Variants in PDE4D observed in about 807,000 individuals in gnomAD.
PDE4D encodes the protein 3',5'-cyclic-AMP phosphodiesterase 4D.
In PDE4D, 24 loss-of-function variants were observed where a neutral mutation model predicts 87.4. That is an observed-to-expected ratio of 0.27 (90% confidence interval 0.20 to 0.39). The LOEUF (loss-of-function observed/expected upper bound fraction) is 0.39. Among genes scored for constraint, PDE4D ranks in the 10% least tolerant of loss-of-function variants. The pLI, the probability that PDE4D is intolerant of heterozygous loss-of-function variation, is 1.00. For synonymous variants in PDE4D, 384 were observed against 383.2 expected (o/e 1.00, Z -0.02); for missense variants, 714 against 1,041.0 (o/e 0.69, Z 4.32).
At chr5:59,183,850 G>A (rs142036607) in intron 4 of PDE4D, among the ~76,000 whole-genome samples, 1 of 152,260 alleles carries the variant, frequency 6.6e-6, no homozygotes, top group East Asian at 1.9e-4. Context: ...TCTGCATTAT[G>A]CTAGGCACAG....
intron 1 of PDE4D, among the ~76,000 whole-genome samples, chr5:60,473,183 A>AAG (rs1426939021): frequency 5.8e-5 from 8 of 137,742 alleles, no homozygotes; most frequent in Non-Finnish European, 1.3e-4. Context: ...AAGGAAGGAA[A>AAG]AAGAAAGAAA....
chr5:60,487,925 AT>A (rs1256650476), intron 1 of PDE4D: 1 of 148,988 alleles, frequency 6.7e-6, no homozygotes, highest in Non-Finnish European at 1.5e-5. Flanking sequence ...TAAAAAAAAA[AT>A]ATCAGGATTA....
intron 2 of PDE4D, among the ~76,000 whole-genome samples, chr5:59,214,852 C>T (rs1750876374): frequency 6.6e-6 from 1 of 152,138 alleles, no homozygotes; most frequent in African/African-American, 2.4e-5. Context: ...ACAACTGATG[C>T]TCTGTTAGAA....
intron 2 of PDE4D, among the ~76,000 whole-genome samples, chr5:60,095,625 C>T (rs1254862575): frequency 2.0e-5 from 3 of 152,166 alleles, no homozygotes; most frequent in Non-Finnish European, 4.4e-5. Context: ...GGAATCACCA[C>T]ACTGTCTTCC....
In PDE4D at chr5:59,431,520, C is replaced by G. The variant is rs866748322; in HGVS notation, c.456-215552G>C. On this transcript the variant is annotated intron_variant, in intron 1 of 14. Transcript: ENST00000340635. Reference sequence around the variant, plus strand: ...AAACATACAGTGTGCTGAAAAAGGGCTACATTTTATTCTTCAGTAGCCAAA... The same window carrying G: ...AAACATACAGTGTGCTGAAAAAGGGGTACATTTTATTCTTCAGTAGCCAAA... Among the ~76,000 whole-genome samples, 24 of 152,186 alleles carry G rather than the reference C, an allele frequency of 1.6e-4. No individual in the cohort carries two copies. In the South Asian group the frequency reaches 4.8e-3, roughly 30 times the overall value.
At chr5:59,931,868 A>AT (rs1755985731) in intron 3 of PDE4D, among the ~76,000 whole-genome samples, 1 of 151,936 alleles carries the variant, frequency 6.6e-6, no homozygotes, top group Non-Finnish European at 1.5e-5. Flanking sequence ...TACCCGGCTA[A>AT]TTTTTTGTGA....
intron 3 of PDE4D, among the ~76,000 whole-genome samples, chr5:59,186,017 T>C (rs771440930): frequency 1.3e-5 from 2 of 152,142 alleles, no homozygotes; most frequent in Non-Finnish European, 2.9e-5. Context: ...GCCAACGGAC[T>C]GGAAGTGAGC....
Position 59,477,041 on chromosome 5 carries a change from C to CA in PDE4D, c.456-261074dup, listed in dbSNP as rs532505220. Among the ~76,000 whole-genome samples the CA allele has an allele frequency of 1.3e-4, 19 of 151,744 alleles. No homozygotes were observed. The East Asian group carries it at 3.5e-3, about 28-fold the overall frequency. On this transcript the variant is annotated intron_variant, in intron 1 of 14. Coordinates refer to ENST00000340635, the MANE Select transcript of PDE4D (RefSeq NM_001104631.2). Reference sequence around the variant, plus strand: ...GTCTACAAATAAAAGCTAGGGAACACAAAAATGACACAATTATCAAATTCA... The same window carrying CA: ...GTCTACAAATAAAAGCTAGGGAACACAAAAAATGACACAATTATCAAATTCA...
chr5:60,081,558 T>C (rs1773956333), intron 2 of PDE4D, among the ~76,000 whole-genome samples: 1 of 152,196 alleles, frequency 6.6e-6, no homozygotes, highest in African/African-American at 2.4e-5. Flanking sequence ...TAATACTGCT[T>C]TAACTGTGTC....
At chr5:60,380,503 C>T (rs933048979) in intron 1 of PDE4D, among the ~76,000 whole-genome samples, 2 of 152,100 alleles carry the variant, frequency 1.3e-5, no homozygotes, top group Admixed American at 6.5e-5. Context: ...TTTCTTTTTG[C>T]CCCAATGTCC....
At chr5:59,199,556 T>C (rs1561685322) in intron 2 of PDE4D, among the ~76,000 whole-genome samples, 1 of 152,142 alleles carries the variant, frequency 6.6e-6, no homozygotes, top group East Asian at 1.9e-4. Flanking sequence ...ATTTTGATAA[T>C]TTTGAAATCT....
At chr5:59,424,030 G>T (rs1481559328) in intron 1 of PDE4D, among the ~76,000 whole-genome samples, 2 of 152,046 alleles carry the variant, frequency 1.3e-5, no homozygotes, top group Non-Finnish European at 2.9e-5. Context: ...GTGAGGTGAA[G>T]GAGGAAGAGT....
At chr5:59,319,151 T>C (rs1398755599) in intron 1 of PDE4D, among the ~76,000 whole-genome samples, 1 of 127,080 alleles carries the variant, frequency 7.9e-6, no homozygotes, top group African/African-American at 3.2e-5. Context: ...TATGAGAGAG[T>C]ACATATATAT....
At chr5:60,141,227 G>A (rs763918077) in intron 2 of PDE4D, among the ~76,000 whole-genome samples, 12 of 152,128 alleles carry the variant, frequency 7.9e-5, no homozygotes, top group Non-Finnish European at 1.3e-4. Context: ...GTGGGTGACA[G>A]AAAGCAATGT....
At chr5:59,972,555 G>T (rs1207832498) in intron 3 of PDE4D, among the ~76,000 whole-genome samples, 2 of 152,222 alleles carry the variant, frequency 1.3e-5, no homozygotes, top group Non-Finnish European at 2.9e-5. Flanking sequence ...AAACAATTTG[G>T]AGTCAAAGTT....
intron 1 of PDE4D, among the ~76,000 whole-genome samples, chr5:59,490,493 T>C (rs1024085372): frequency 1.1e-4 from 16 of 152,154 alleles, no homozygotes; most frequent in African/African-American, 3.9e-4. Context: ...ATAACAGCTA[T>C]AGAAAAGAAA....
intron 1 of PDE4D, among the ~76,000 whole-genome samples, chr5:59,392,359 T>C (rs1437314618): frequency 6.6e-6 from 1 of 152,032 alleles, no homozygotes; most frequent in Non-Finnish European, 1.5e-5. Context: ...CTTCCTTCTC[T>C]GAAATATTGG....
At chr5:60,049,900 TG>T (rs1195769137) in intron 2 of PDE4D, among the ~76,000 whole-genome samples, 1 of 152,210 alleles carries the variant, frequency 6.6e-6, no homozygotes, top group Non-Finnish European at 1.5e-5. Flanking sequence ...CCACCCAGTT[TG>T]AGCTTCCTGG....
chr5:59,362,875 TAA>T (rs1411363644), intron 1 of PDE4D, among the ~76,000 whole-genome samples: 1 of 152,212 alleles, frequency 6.6e-6, no homozygotes, highest in Non-Finnish European at 1.5e-5. Flanking sequence ...TCTCATGTGC[TAA>T]ATTTTGGTGC....
Sources: allele counts gnomAD v4.1 joint callset (sites outside exome capture counted in the v4.1 genomes callset), GRCh38; gene constraint gnomAD v4.1.1; transcripts MANE v1.5; gene names NCBI Gene and HGNC (gene_info 2026-07-23, HGNC 2026-07-21).